Variants in DOK6 observed in about 807,000 individuals in gnomAD.
DOK6 encodes docking protein 6.
A neutral mutation model predicts 44.0 loss-of-function variants in DOK6; 22 were observed. The ratio of observed to expected loss-of-function variants is 0.50; its 90% CI spans 0.36 to 0.71. DOK6 has a LOEUF of 0.71. DOK6 is among the 30% of genes least tolerant of loss of function. DOK6 has a pLI of 0.00. For missense variants in DOK6, 340 were observed against 416.4 expected (o/e 0.82, Z 1.60); for synonymous variants, 166 against 145.5 (o/e 1.14, Z -1.01).
At chr18:69,734,346 T>G (rs1978524277) in intron 5 of DOK6, among the ~76,000 whole-genome samples, 1 of 143,276 alleles carries the variant, frequency 7.0e-6, no homozygotes, top group African/African-American at 2.5e-5. Context: ...TGCCTAGAGT[T>G]TCTTAGATTA....
chr18:69,708,929 T>A (rs1986697492), intron 5 of DOK6, among the ~76,000 whole-genome samples: 1 of 152,158 alleles, frequency 6.6e-6, no homozygotes. Context: ...AAACGAGCCT[T>A]TCCTTTGAAG....
intron 5 of DOK6, among the ~76,000 whole-genome samples, chr18:69,732,043 C>T (rs1056384908): frequency 6.6e-6 from 1 of 152,168 alleles, no homozygotes. Flanking sequence ...AGCACACTAG[C>T]ACCAAGGCAC....
chr18:69,538,769 T>C (rs1368814728), intron 1 of DOK6, among the ~76,000 whole-genome samples: 2 of 152,146 alleles, frequency 1.3e-5, no homozygotes, highest in Admixed American at 1.3e-4. Flanking sequence ...TCTCTGATTG[T>C]CTTCCTGAGA....
At chr18:69,830,689 C>T (rs1032050953) in intron 7 of DOK6, among the ~76,000 whole-genome samples, 1 of 152,182 alleles carries the variant, frequency 6.6e-6, no homozygotes, top group Non-Finnish European at 1.5e-5. Flanking sequence ...TATTCAGCAA[C>T]ACACTTCACA....
chr18:69,443,926 C>T (rs114121747), intron 1 of DOK6, among the ~76,000 whole-genome samples: 4 of 139,226 alleles, frequency 2.9e-5, no homozygotes, highest in African/African-American at 1.1e-4. Flanking sequence ...TATGCTTGTA[C>T]TTACCACATT....
chr18:69,631,907 A>G (rs1984699372), intron 3 of DOK6, among the ~76,000 whole-genome samples: 1 of 152,196 alleles, frequency 6.6e-6, no homozygotes, highest in African/African-American at 2.4e-5. Flanking sequence ...TTTTTATCAT[A>G]AGTCACATTG....
chr18:69,838,100 G>A (rs1464715585), intron 7 of DOK6, among the ~76,000 whole-genome samples: 1 of 151,804 alleles, frequency 6.6e-6, no homozygotes, highest in Non-Finnish European at 1.5e-5. Flanking sequence ...TAAAAAAAGT[G>A]TTAATAAGCA....
intron 3 of DOK6, among the ~76,000 whole-genome samples, chr18:69,663,866 C>T (rs533365630): frequency 6.6e-6 from 1 of 152,054 alleles, no homozygotes; most frequent in Non-Finnish European, 1.5e-5. Context: ...CAAGTGGTAG[C>T]TTTAGAGGGC....
intron 1 of DOK6, among the ~76,000 whole-genome samples, chr18:69,403,174 C>T (rs1367092361): frequency 6.6e-6 from 1 of 152,180 alleles, no homozygotes; most frequent in Non-Finnish European, 1.5e-5. Context: ...CACAGAGTCA[C>T]CTGCATATGA....
At position 69,542,559 on chromosome 18, in the gene DOK6, A is replaced by T. The variant is rs570365507; in HGVS notation, c.67-21928A>T. ...TCCAAGTCCAGTTACGTAGCGCTAC[A>T]CGAAAAGCTGGTACATTTTACACAG... On this transcript the variant is annotated intron_variant, in intron 1 of 7. Transcript: ENST00000382713. 6.6e-5 allele frequency among the ~76,000 whole-genome samples: 10 copies of T among 151,750 alleles called. 1 individual carries two copies. The East Asian group carries it at 1.4e-3, about 21-fold the overall frequency.
At chr18:69,460,378 G>T (rs1053401522) in intron 1 of DOK6, among the ~76,000 whole-genome samples, 3 of 151,926 alleles carry the variant, frequency 2.0e-5, no homozygotes, top group African/African-American at 7.3e-5. Context: ...ATAACAAGGA[G>T]ATATATATGT....
chr18:69,466,911 T>C lies in DOK6; in HGVS notation c.66+65601T>C, dbSNP rs575202088. 1.1e-4 allele frequency among the ~76,000 whole-genome samples: 16 copies of C among 152,248 alleles called. 1 individual carries two copies. In the South Asian group the frequency reaches 3.3e-3, roughly 32 times the overall value. ...TGAATAATCCAAGTTACTTTTATAT[T>C]GATACTGGGAGAAATAGTAACTTTC... On this transcript the variant is annotated intron_variant, in intron 1 of 7. Transcript: ENST00000382713.
chr18:69,545,510 A>C (rs1163153033), intron 1 of DOK6, among the ~76,000 whole-genome samples: 7 of 143,684 alleles, frequency 4.9e-5, no homozygotes, highest in African/African-American at 1.7e-4. Context: ...CTCTTCAGTG[A>C]AATACCAAAA....
intron 1 of DOK6, among the ~76,000 whole-genome samples, chr18:69,424,435 G>T (rs1465208587): frequency 6.6e-6 from 1 of 152,102 alleles, no homozygotes; most frequent in Non-Finnish European, 1.5e-5. Context: ...CACGGCTATT[G>T]ATTAGTTTTC....
chr18:69,644,878 C>T (rs1985032349), intron 3 of DOK6, among the ~76,000 whole-genome samples: 1 of 152,190 alleles, frequency 6.6e-6, no homozygotes, highest in Non-Finnish European at 1.5e-5. Flanking sequence ...TCAGATCCTT[C>T]CCAATTCTTG....
chr18:69,581,810 C>T (rs932084464), intron 2 of DOK6, among the ~76,000 whole-genome samples: 4 of 152,286 alleles, frequency 2.6e-5, no homozygotes, highest in Non-Finnish European at 5.9e-5. Flanking sequence ...ATCAATAGGG[C>T]TTTATGTTTT....
At position 69,528,035 on chromosome 18, in the gene DOK6, T is replaced by C. The variant is rs578215439; in HGVS notation, c.67-36452T>C. On this transcript the variant is annotated intron_variant, in intron 1 of 7. Transcript: ENST00000382713. The stretch of plus-strand genomic sequence containing the variant: ...AAAATTAGCCGGGCATGATGGTGGG[T>C]GCCTGTAGTCCCAGCTACTCAGGAG... 1.4e-3 allele frequency among the ~76,000 whole-genome samples: 216 copies of C among 151,750 alleles called. 1 individual carries two copies. The highest frequency in any genetic ancestry group is 0.014 in the South Asian group (67 of 4,794).
At chr18:69,580,271 T>G (rs1983336158) in intron 2 of DOK6, among the ~76,000 whole-genome samples, 1 of 152,170 alleles carries the variant, frequency 6.6e-6, no homozygotes, top group African/African-American at 2.4e-5. Context: ...ATTCAGTTCC[T>G]TGTAGCTGTA....
chr18:69,417,490 T>C (rs1461417834), intron 1 of DOK6, among the ~76,000 whole-genome samples: 1 of 152,160 alleles, frequency 6.6e-6, no homozygotes. Flanking sequence ...GTTGATACCA[T>C]ATCTTGGTTA....
Sources: allele counts gnomAD v4.1 joint callset (sites outside exome capture counted in the v4.1 genomes callset), GRCh38; gene constraint gnomAD v4.1.1; transcripts MANE v1.5; gene names NCBI Gene and HGNC (gene_info 2026-07-23, HGNC 2026-07-21).